The following ADAMTSL1 variants were observed in gnomAD, a reference collection of about 807,000 sequenced individuals.
The protein encoded by ADAMTSL1 is ADAMTS like 1.
ADAMTSL1 carries 126 observed loss-of-function variants against 201.8 expected under a neutral mutation model. The ratio of observed to expected loss-of-function variants is 0.62; its 90% confidence interval spans 0.54 to 0.72. The LOEUF is 0.72. ADAMTSL1 is among the 30% of genes least tolerant of loss of function. ADAMTSL1 has a pLI of 0.00. For missense variants in ADAMTSL1, 2,679 were observed against 2,277.8 expected (o/e 1.18, Z -3.59); for synonymous variants, 1,121 against 903.4 (o/e 1.24, Z -4.32).
intron 2 of ADAMTSL1, among the ~76,000 whole-genome samples, chr9:18,237,197 C>T (rs1426490598): frequency 6.6e-6 from 1 of 152,192 alleles, no homozygotes; most frequent in Non-Finnish European, 1.5e-5. Context: ...ACATGGCAGA[C>T]CATGAGCTCT....
intron 1 of ADAMTSL1, among the ~76,000 whole-genome samples, chr9:18,061,841 A>G (rs1026672768): frequency 6.6e-6 from 1 of 152,226 alleles, no homozygotes. Flanking sequence ...GGCGGTTTCA[A>G]AATCTCCCGT....
At chr9:18,333,782 A>T (rs183790500) in intron 2 of ADAMTSL1, among the ~76,000 whole-genome samples, 5 of 152,310 alleles carry the variant, frequency 3.3e-5, no homozygotes, top group Admixed American at 6.5e-5. Context: ...TAGAAAAAAG[A>T]AAGTTCTTAT....
chr9:18,342,285 T>C (rs1295874026), intron 2 of ADAMTSL1, among the ~76,000 whole-genome samples: 1 of 152,180 alleles, frequency 6.6e-6, no homozygotes, highest in East Asian at 1.9e-4. Context: ...GTAATTGTTT[T>C]AAAAAATATT....
At chr9:18,809,188 C>T (rs1370165986) in intron 20 of ADAMTSL1, among the ~76,000 whole-genome samples, 1 of 152,148 alleles carries the variant, frequency 6.6e-6, no homozygotes, top group Non-Finnish European at 1.5e-5. Context: ...AAGTTGTCCC[C>T]ATCTAAAGTA....
At chr9:18,192,180 A>C (rs1368274454) in intron 2 of ADAMTSL1, among the ~76,000 whole-genome samples, 45 of 152,158 alleles carry the variant, frequency 3.0e-4, no homozygotes, top group Admixed American at 2.9e-3. Flanking sequence ...GCAATGACTT[A>C]TTATATTTCA....
intron 15 of ADAMTSL1, among the ~76,000 whole-genome samples, chr9:18,722,071 G>A (rs1587983735): frequency 6.6e-6 from 1 of 152,206 alleles, no homozygotes; most frequent in East Asian, 1.9e-4. Flanking sequence ...AAGCAACTGG[G>A]TGGTATAATT....
chr9:17,955,516 G>A (rs1032316929), intron 1 of ADAMTSL1, among the ~76,000 whole-genome samples: 1 of 152,126 alleles, frequency 6.6e-6, no homozygotes, highest in Non-Finnish European at 1.5e-5. Flanking sequence ...GTCAGCTTTG[G>A]TCCAAAACAT....
intron 2 of ADAMTSL1, among the ~76,000 whole-genome samples, chr9:18,165,235 A>AT (rs1474291138): frequency 2.0e-5 from 3 of 151,922 alleles, no homozygotes; most frequent in Middle Eastern, 6.3e-3. Context: ...AATCTGAAAT[A>AT]TTTTAGCTCA....
chr9:18,483,999 G>A (rs146055743), intron 1 of ADAMTSL1, among the ~76,000 whole-genome samples: 154 of 152,314 alleles, frequency 1.0e-3, no homozygotes, highest in African/African-American at 3.5e-3. Context: ...AATGAAAAAT[G>A]TGGATAATTT....
At chr9:18,341,636 G>T (rs1274074898) in intron 2 of ADAMTSL1, among the ~76,000 whole-genome samples, 1 of 152,086 alleles carries the variant, frequency 6.6e-6, no homozygotes, top group Non-Finnish European at 1.5e-5. Flanking sequence ...TAAGTATTTA[G>T]TTGAATAGCA....
At chr9:18,657,973 C>CT (rs33924965) in intron 8 of ADAMTSL1, among the ~76,000 whole-genome samples, 3,320 of 126,282 alleles carry the variant, frequency 0.026, 66 homozygotes, top group Non-Finnish European at 0.036. Flanking sequence ...AGGAAACAGT[C>CT]TTTTTTTTTT....
intron 1 of ADAMTSL1, among the ~76,000 whole-genome samples, chr9:17,980,394 C>A (rs1299857349): frequency 6.7e-6 from 1 of 150,158 alleles, no homozygotes; most frequent in East Asian, 1.9e-4. Context: ...GTTTTTTTTT[C>A]TTTTTCTATC....
intron 2 of ADAMTSL1, among the ~76,000 whole-genome samples, chr9:18,453,188 G>C (rs920395359): frequency 6.6e-6 from 1 of 152,150 alleles, no homozygotes; most frequent in Non-Finnish European, 1.5e-5. Flanking sequence ...AGCCTCACCT[G>C]GGCCTGCTTG....
intron 1 of ADAMTSL1, among the ~76,000 whole-genome samples, chr9:18,159,233 T>A (rs1413905848): frequency 2.0e-5 from 3 of 151,918 alleles, no homozygotes; most frequent in African/African-American, 4.8e-5. Context: ...TTTTACAGAG[T>A]CCTTTTGGTA....
chr9:18,637,739 T>C (rs10811002), intron 6 of ADAMTSL1, among the ~76,000 whole-genome samples: 84,898 of 151,968 alleles, frequency 0.56, 24,442 homozygotes, highest in Non-Finnish European at 0.63. Flanking sequence ...TCTCTTTTGC[T>C]CTTCACTCCC....
intron 2 of ADAMTSL1, among the ~76,000 whole-genome samples, chr9:18,366,544 A>G (rs750836002): frequency 4.6e-5 from 7 of 150,546 alleles, no homozygotes; most frequent in Non-Finnish European, 1.0e-4. Flanking sequence ...ATCAGCCTGT[A>G]TATTCATTGT....
intron 2 of ADAMTSL1, among the ~76,000 whole-genome samples, chr9:18,505,920 G>T (rs1823099433): frequency 6.6e-6 from 1 of 152,120 alleles, no homozygotes; most frequent in Non-Finnish European, 1.5e-5. Context: ...ATTCCTTTCT[G>T]TCTCCCCAAG....
intron 4 of ADAMTSL1, among the ~76,000 whole-genome samples, chr9:18,618,801 C>T (rs1825856356): frequency 6.6e-6 from 1 of 152,284 alleles, no homozygotes; most frequent in African/African-American, 2.4e-5. Flanking sequence ...AGAAGCCTCA[C>T]TTCTACTTTT....
At position 18,574,025 on chromosome 9, in the gene ADAMTSL1, T is replaced by C; in HGVS notation, c.238-5T>C. 16 of 1,612,042 alleles carry C rather than the reference T, an allele frequency of 9.9e-6. No individual in the cohort carries two copies. Among genetic ancestry groups the C allele is most frequent in the Non-Finnish European group, 1.4e-5 (16 of 1,178,834 alleles). ...TTGTATGTCCTTTCTCTCTTTTTTC[T>C]CCAGGACTGCCCACCAGAAGCAGGT... is the stretch of plus-strand genomic sequence containing the variant. On this transcript the variant is annotated splice_polypyrimidine_tract_variant and splice_region_variant and intron_variant, in intron 3 of 28. Transcript: ENST00000380548.
Sources: allele counts gnomAD v4.1 joint callset (sites outside exome capture counted in the v4.1 genomes callset), GRCh38; gene constraint gnomAD v4.1.1; transcripts MANE v1.5; gene names NCBI Gene and HGNC (gene_info 2026-07-23, HGNC 2026-07-21).